SNX29: variants seen among roughly 807,000 people sequenced by gnomAD.
SNX29 encodes sorting nexin 29.
A neutral mutation model predicts 102.1 loss-of-function variants in SNX29; 78 were observed. The observed-to-expected ratio is 0.76, with a 90% CI of 0.64 to 0.92. The LOEUF is 0.92. Among genes scored for constraint, SNX29 ranks in the 40% least tolerant of loss-of-function variants. The probability of loss-of-function intolerance (pLI) is 0.00; values close to 1 mark genes in which losing one functional copy is unlikely to be tolerated. For synonymous variants in SNX29, 580 were observed against 414.5 expected, an observed-to-expected ratio of 1.40 and a Z score of -4.85; for missense variants, 1,280 against 1,061.7, an observed-to-expected ratio of 1.21 and a Z score of -2.86.
At chr16:12,489,545 A>C (rs1297882426) in intron 19 of SNX29, among the ~76,000 whole-genome samples, 1 of 152,206 alleles carries the variant, frequency 6.6e-6, no homozygotes, top group East Asian at 1.9e-4. Flanking sequence ...CTCAGCTGTC[A>C]CATGGTGGTG....
rs2079117926 is a variant in SNX29 at position 12,568,713 on chromosome 16, CG to C, written c.*85del. 3 of 1,541,064 alleles carry C rather than the reference CG, an allele frequency of 1.9e-6. No homozygotes were observed. The highest frequency in any genetic ancestry group is 2.4e-5 in the South Asian group (2 of 84,398). On this transcript the variant is annotated 3_prime_UTR_variant, in exon 21 of 21. Transcript: ENST00000566228. The stretch of plus-strand genomic sequence containing the variant: ...CACTGCCGCTGGCCCCTCACCTCAG[CG>C]TGACAACCACGTCCACCTGGTGATC...
At chr16:12,336,400 G>A (rs899239504) in intron 15 of SNX29, among the ~76,000 whole-genome samples, 1 of 152,220 alleles carries the variant, frequency 6.6e-6, no homozygotes. Context: ...CTGCTGCCCT[G>A]TGTCTGTCAC....
intron 16 of SNX29, among the ~76,000 whole-genome samples, chr16:12,380,377 C>CACCCACCCACTCACCCATCATCT (rs2083034121): frequency 1.7e-5 from 1 of 60,422 alleles, no homozygotes. Flanking sequence ...TCCACTTATC[C>CACCCACCCACTCACCCATCATCT]ACCCACCCAC....
chr16:12,107,650 AAAAC>A (rs1266915508), intron 11 of SNX29, among the ~76,000 whole-genome samples: 3 of 152,154 alleles, frequency 2.0e-5, no homozygotes, highest in African/African-American at 7.2e-5. Context: ...AACAAAAACA[AAAAC>A]AAAAAAAAGA....
At chr16:12,269,986 G>A (rs548716634) in intron 14 of SNX29, among the ~76,000 whole-genome samples, 42 of 151,936 alleles carry the variant, frequency 2.8e-4, no homozygotes, top group Non-Finnish European at 5.4e-4. Flanking sequence ...TCAGCCTTCC[G>A]AGTAGCTGGG....
chr16:12,066,962 T>G (rs1365691253), intron 9 of SNX29, among the ~76,000 whole-genome samples: 2 of 150,796 alleles, frequency 1.3e-5, no homozygotes, highest in Non-Finnish European at 2.9e-5. Context: ...CTGGGCAACA[T>G]AGTGAGACCG....
At chr16:12,347,694 C>T (rs1280525433) in intron 15 of SNX29, among the ~76,000 whole-genome samples, 2 of 152,168 alleles carry the variant, frequency 1.3e-5, no homozygotes, top group Non-Finnish European at 2.9e-5. Context: ...ATGGCAGGTA[C>T]TGGTGACTGC....
chr16:12,301,110 C>A (rs753324113), intron 15 of SNX29, among the ~76,000 whole-genome samples: 1 of 152,218 alleles, frequency 6.6e-6, no homozygotes, highest in African/African-American at 2.4e-5. Flanking sequence ...TCCTTGATTT[C>A]TCTCTTTCCC....
At chr16:12,244,504 G>T in intron 14 of SNX29, among the ~76,000 whole-genome samples, 1 of 152,086 alleles carries the variant, frequency 6.6e-6, no homozygotes, top group African/African-American at 2.4e-5. Flanking sequence ...AGCTGCTCTG[G>T]AGGCTGTGGC....
At chr16:12,215,929 G>C (rs972656508) in intron 14 of SNX29, among the ~76,000 whole-genome samples, 1 of 152,156 alleles carries the variant, frequency 6.6e-6, no homozygotes. Context: ...TGGCCCATCA[G>C]GAGTGGTGCG....
At chr16:12,364,511 T>C (rs1567482405) in intron 16 of SNX29, among the ~76,000 whole-genome samples, 1 of 152,090 alleles carries the variant, frequency 6.6e-6, no homozygotes, top group Non-Finnish European at 1.5e-5. Flanking sequence ...ATTTTTACCT[T>C]TTAGCGGGAT....
At chr16:12,539,366 C>G (rs1443239172) in intron 20 of SNX29, among the ~76,000 whole-genome samples, 3 of 151,986 alleles carry the variant, frequency 2.0e-5, no homozygotes, top group South Asian at 2.1e-4. Context: ...CTGTAAGCAA[C>G]CTCTTGAGGC....
At chr16:12,550,333 G>A (rs756675228) in intron 20 of SNX29, among the ~76,000 whole-genome samples, 2 of 152,136 alleles carry the variant, frequency 1.3e-5, no homozygotes, top group African/African-American at 4.8e-5. Flanking sequence ...GGTCGAGTGT[G>A]AGACCAGCCT....
chr16:12,052,369 A>G (rs1251077279), intron 8 of SNX29, 147 bp downstream of exon 8: 7 of 792,568 alleles, frequency 8.8e-6, no homozygotes, highest in Non-Finnish European at 1.4e-5. Flanking sequence ...GGCACCTGTC[A>G]CCACACCCAG....
chr16:12,533,364 A>G (rs2076983032), intron 20 of SNX29, among the ~76,000 whole-genome samples: 1 of 152,136 alleles, frequency 6.6e-6, no homozygotes, highest in South Asian at 2.1e-4. Flanking sequence ...AGATGCTAAG[A>G]GGCTGTTTGA....
chr16:12,170,875 G>C (rs557013008), intron 13 of SNX29, among the ~76,000 whole-genome samples: 1 of 151,824 alleles, frequency 6.6e-6, no homozygotes, highest in Non-Finnish European at 1.5e-5. Flanking sequence ...CGCGCGTGCT[G>C]TTTACAGGGC....
intron 14 of SNX29, among the ~76,000 whole-genome samples, chr16:12,209,313 C>G (rs1025510082): frequency 6.6e-6 from 1 of 152,166 alleles, no homozygotes; most frequent in African/African-American, 2.4e-5. Flanking sequence ...CCTTAGCCTC[C>G]CAGATAGCTG....
intron 18 of SNX29, among the ~76,000 whole-genome samples, chr16:12,437,004 A>G (rs1339549370): frequency 1.3e-5 from 2 of 152,248 alleles, no homozygotes; most frequent in East Asian, 3.9e-4. Context: ...CCAGTGTCCC[A>G]GTCCAGGCCT....
chr16:12,326,182 T>C (rs558404131), intron 15 of SNX29, among the ~76,000 whole-genome samples: 1 of 152,146 alleles, frequency 6.6e-6, no homozygotes, highest in East Asian at 2.0e-4. Flanking sequence ...CTAATTTTTG[T>C]ATATTTTTTA....
Sources: allele counts gnomAD v4.1 joint callset (sites outside exome capture counted in the v4.1 genomes callset), GRCh38; gene constraint gnomAD v4.1.1; transcripts MANE v1.5; gene names NCBI Gene and HGNC (gene_info 2026-07-23, HGNC 2026-07-21).